ADAP2: variants seen among roughly 807,000 people sequenced by gnomAD.
ADAP2 encodes the protein arf-GAP with dual PH domain-containing protein 2.
A neutral mutation model predicts 54.9 loss-of-function variants in ADAP2; 42 were observed. That is an observed-to-expected ratio of 0.77 (90% CI 0.60 to 0.99). The LOEUF (loss-of-function observed/expected upper bound fraction) is 0.99. Ranked by LOEUF, ADAP2 falls within the 50% of genes least tolerant of loss-of-function variation. The pLI, the probability that ADAP2 is intolerant of heterozygous loss-of-function variation, is 0.00. For missense variants in ADAP2, 429 were observed against 480.4 expected, an observed-to-expected ratio of 0.89 and a Z score of 1.00; for synonymous variants, 177 against 180.1, an observed-to-expected ratio of 0.98 and a Z score of 0.14.
At position 30,956,343 on chromosome 17, in the gene ADAP2, G is replaced by A. The variant is rs1292639951; in HGVS notation, c.985G>A (p.Gly329Arg). The change falls in exon 10 of 11, where the codon GGA becomes AGA. Residue 329 changes from glycine (G) to arginine (R), a missense_variant. Physicochemically the swap from Gly to Arg is moderately radical, Grantham distance 125. Coordinates refer to ENST00000330889, the MANE Select transcript of ADAP2 (RefSeq NM_018404.3). ...CATCCGAGGAAATCGCTGGAAAGCC[G>A]GACTCACCATTGTCACCCCAGAGCG... ...KGIRGNRWKA[G>R]LTIVTPERRF... 44 of 1,614,082 alleles carry A rather than the reference G, an allele frequency of 2.7e-5. No individual in the cohort carries two copies. Among genetic ancestry groups the A allele is most frequent in the Non-Finnish European group, 3.6e-5 (43 of 1,180,052 alleles).
intron 5 of ADAP2, among the ~76,000 whole-genome samples, chr17:30,941,482 T>C (rs1598042454): frequency 6.6e-6 from 1 of 152,220 alleles, no homozygotes; most frequent in Non-Finnish European, 1.5e-5. Flanking sequence ...TTGATGTTTG[T>C]TCTTGCTTCA....
chr17:30,949,220 C>A, intron 6 of ADAP2, 67 bp from the exon 7 acceptor site: 1 of 1,360,292 alleles, frequency 7.4e-7, no homozygotes, highest in Non-Finnish European at 1.0e-6. Context: ...CTTCCCGCCA[C>A]CAGAGGTAGC....
chr17:30,954,078 C>G (rs1483448290), intron 8 of ADAP2, among the ~76,000 whole-genome samples: 1 of 152,304 alleles, frequency 6.6e-6, no homozygotes, highest in African/African-American at 2.4e-5. Flanking sequence ...CCGCCTGGTT[C>G]TTGTTGCTGG....
intron 6 of ADAP2, among the ~76,000 whole-genome samples, chr17:30,946,169 A>C (rs1416106637): frequency 6.6e-6 from 1 of 151,972 alleles, no homozygotes; most frequent in Non-Finnish European, 1.5e-5. Flanking sequence ...AAACAAAAAA[A>C]ACAAAAAAAC....
At chr17:30,923,693 CTTTT>C (rs1013811428) in intron 2 of ADAP2, among the ~76,000 whole-genome samples, 13 of 92,404 alleles carry the variant, frequency 1.4e-4, no homozygotes, top group African/African-American at 2.0e-4. Flanking sequence ...TTCTTTCTTC[CTTTT>C]TTTTTTTTTT....
At chr17:30,957,421 T>G (rs544792757) in intron 10 of ADAP2, among the ~76,000 whole-genome samples, 19 of 146,074 alleles carry the variant, frequency 1.3e-4, no homozygotes, top group African/African-American at 2.8e-4. Context: ...TGTCTTTGTG[T>G]TTTTTTTTTT....
chr17:30,928,908 A>T (rs929078609), intron 3 of ADAP2, among the ~76,000 whole-genome samples: 1 of 152,200 alleles, frequency 6.6e-6, no homozygotes, highest in Admixed American at 6.5e-5. Context: ...GAATCCCTTT[A>T]GGCTGACCCA....
At chr17:30,922,254 C>A in intron 1 of ADAP2, 146 bp downstream of exon 1, 1 of 484,068 alleles carries the variant, frequency 2.1e-6, no homozygotes, top group Non-Finnish European at 3.2e-6. Flanking sequence ...CCCACCCACA[C>A]CGTGAACCTC....
intron 3 of ADAP2, among the ~76,000 whole-genome samples, chr17:30,930,286 G>T (rs765828056): frequency 2.0e-5 from 3 of 150,816 alleles, no homozygotes; most frequent in Non-Finnish European, 4.4e-5. Flanking sequence ...TGGCCAGGCT[G>T]GTCTTGAACT....
At position 30,940,309 on chromosome 17, in the gene ADAP2, A is replaced by AT. The variant is rs111307318; in HGVS notation, c.511-4586dup. ...GAAGAAAGATGGGTACCCTTTACAG[A>AT]TTTTTTTTTTTTCGAGATGGAGTCT... On this transcript the variant is annotated intron_variant, in intron 5 of 10. Coordinates refer to ENST00000330889, the MANE Select transcript of ADAP2 (RefSeq NM_018404.3). Among the ~76,000 whole-genome samples the AT allele has an allele frequency of 2.5e-3, 355 of 143,916 alleles. 1 individual carries two copies. The highest frequency in any genetic ancestry group is 7.5e-3 in the African/African-American group (298 of 39,568). The allele number at this position is 143,916 out of a possible 152,430, so 94.4% of individuals were successfully genotyped here. A position where few individuals can be genotyped will look rare whatever the true frequency, so the allele number is the denominator to read the frequency against.
At chr17:30,940,650 G>A (rs1912208708) in intron 5 of ADAP2, among the ~76,000 whole-genome samples, 1 of 152,158 alleles carries the variant, frequency 6.6e-6, no homozygotes, top group South Asian at 2.1e-4. Context: ...GAAGTTAGAA[G>A]GAGCCGAATT....
intron 2 of ADAP2, among the ~76,000 whole-genome samples, chr17:30,923,768 C>T (rs994134557): frequency 7.2e-6 from 1 of 138,216 alleles, no homozygotes; most frequent in Non-Finnish European, 1.5e-5. Flanking sequence ...CGGCCAATCT[C>T]GGCTCACTGC....
At chr17:30,953,555 G>A (rs1555569971) in intron 8 of ADAP2, among the ~76,000 whole-genome samples, 2 of 151,956 alleles carry the variant, frequency 1.3e-5, no homozygotes, top group African/African-American at 4.8e-5. Flanking sequence ...AAATTTTTTT[G>A]AGACAGAGTC....
At position 30,921,950 on chromosome 17, in the gene ADAP2, T is replaced by C; in HGVS notation, c.-65T>C. The C allele has an allele frequency of 8.7e-7, 1 of 1,149,414 alleles. No individual in the cohort carries two copies. The allele number at this position is 1,149,414 out of a possible 1,614,324, so 71.2% of individuals were successfully genotyped here. The stretch of plus-strand genomic sequence containing the variant: ...GGCTGAGGCGCCGCGGCCGGGTCCC[T>C]CTCCACCTGCCGGGCGGAGCGCACG... On this transcript the variant is annotated 5_prime_UTR_variant, in exon 1 of 11. Coordinates refer to ENST00000330889, the MANE Select transcript of ADAP2 (RefSeq NM_018404.3).
chr17:30,948,242 C>T (rs1904319061), intron 6 of ADAP2, among the ~76,000 whole-genome samples: 1 of 151,998 alleles, frequency 6.6e-6, no homozygotes, highest in South Asian at 2.1e-4. Context: ...GGGTAGTAGA[C>T]AGGACTCCAA....
At chr17:30,946,647 G>C (rs1912701933) in intron 6 of ADAP2, among the ~76,000 whole-genome samples, 1 of 152,164 alleles carries the variant, frequency 6.6e-6, no homozygotes, top group Non-Finnish European at 1.5e-5. Context: ...TGCTGAGTGG[G>C]GGTGGATGAA....
At chr17:30,949,231 T>A in intron 6 of ADAP2, 56 bp from the exon 7 acceptor site, 2 of 1,444,296 alleles carry the variant, frequency 1.4e-6, no homozygotes, top group Non-Finnish European at 1.9e-6. Flanking sequence ...CAGAGGTAGC[T>A]TCCCACCCAC....
At chr17:30,941,420 C>T (rs1912261145) in intron 5 of ADAP2, among the ~76,000 whole-genome samples, 1 of 152,194 alleles carries the variant, frequency 6.6e-6, no homozygotes, top group Non-Finnish European at 1.5e-5. Flanking sequence ...GTAAACTTTT[C>T]TGAAAGCACC....
rs1912554544 is a variant in ADAP2 at position 30,945,007 on chromosome 17, G to A, written c.611G>A (p.Arg204Lys). 1.2e-6 allele frequency: 2 copies of A among 1,614,030 alleles called. No homozygotes were observed. The highest frequency in any genetic ancestry group is 1.6e-4 in the Middle Eastern group (1 of 6,080). The change falls in exon 6 of 11, where the codon AGA (arginine) becomes AAA (lysine). Residue 204 changes from arginine (R) to lysine (K), a missense_variant. Transcript: ENST00000330889. Reference protein sequence around the residue: ...HPHGLQITYRRDGHTRNLFVY... With the variant: ...HPHGLQITYRKDGHTRNLFVY... ...CATGGGCTGCAGATCACCTACAGGAGAGATGGCCACACCAGGAACCTGTTT... is the reference window on the plus strand; with the variant it reads ...CATGGGCTGCAGATCACCTACAGGAAAGATGGCCACACCAGGAACCTGTTT...
Sources: allele counts gnomAD v4.1 joint callset (sites outside exome capture counted in the v4.1 genomes callset), GRCh38; gene constraint gnomAD v4.1.1; transcripts MANE v1.5; gene names NCBI Gene and HGNC (gene_info 2026-07-23, HGNC 2026-07-21).